Variants in SLC25A51 observed in about 807,000 individuals in gnomAD.
SLC25A51 encodes solute carrier family 25 member 51.
In SLC25A51, 11 loss-of-function variants were observed where a neutral mutation model predicts 19.1. The ratio of observed to expected loss-of-function variants is 0.58; its 90% CI spans 0.36 to 0.96. The LOEUF (loss-of-function observed/expected upper bound fraction) is 0.96. Ranked by LOEUF, SLC25A51 falls within the 40% of genes least tolerant of loss-of-function variation. SLC25A51 has a pLI of 0.01. For synonymous variants in SLC25A51, 105 were observed against 133.6 expected, an observed-to-expected ratio of 0.79 and a Z score of 1.47; for missense variants, 201 against 365.4, an observed-to-expected ratio of 0.55 and a Z score of 3.67.
At chr9:37,891,868 TTA>T (rs1361870108) in intron 2 of SLC25A51, among the ~76,000 whole-genome samples, 3 of 129,714 alleles carry the variant, frequency 2.3e-5, no homozygotes, top group South Asian at 2.3e-4. Context: ...AAAAAAAATT[TTA>T]TATATATATA....
chr9:37,896,214 T>C (rs1464106600), intron 2 of SLC25A51, among the ~76,000 whole-genome samples: 5 of 152,226 alleles, frequency 3.3e-5, no homozygotes, highest in African/African-American at 1.2e-4. Flanking sequence ...TTTGTTTCCA[T>C]CAGTTGCAGC....
intron 2 of SLC25A51, among the ~76,000 whole-genome samples, chr9:37,897,609 AAAATT>A (rs1385115515): frequency 6.6e-6 from 1 of 151,644 alleles, no homozygotes. Flanking sequence ...CTTCCTGAAC[AAAATT>A]AAATTATAAT....
rs1022132658 is a variant in SLC25A51 at position 37,903,866 on chromosome 9, C to T, written c.-165+202G>A. 2 of 152,416 alleles carry T rather than the reference C, an allele frequency of 1.3e-5. 1 individual carries two copies. The highest frequency in any genetic ancestry group is 1.3e-4 in the Admixed American group (2 of 15,302). 9.4% of individuals were successfully genotyped at this position (152,416 alleles called of 1,614,324 possible). On this transcript the variant is annotated intron_variant, in intron 1 of 2. Transcript: ENST00000242275. Reference sequence around the variant, plus strand: ...CCGCGGCAGGCGGGGGAGCCCGGAGCCGAGGAGGCTCAGAACTGATTCCGC... The same window carrying T: ...CCGCGGCAGGCGGGGGAGCCCGGAGTCGAGGAGGCTCAGAACTGATTCCGC...
chr9:37,900,902 G>C (rs1270339306), intron 1 of SLC25A51, among the ~76,000 whole-genome samples: 1 of 151,958 alleles, frequency 6.6e-6, no homozygotes, highest in East Asian at 1.9e-4. Context: ...CTGTCACCTG[G>C]GCTGAATGCA....
downstream of SLC25A51, chr9:37,886,387 A>G (rs1252088354): frequency 5.6e-6 from 9 of 1,594,608 alleles, no homozygotes; most frequent in Non-Finnish European, 7.7e-6. Context: ...AGAAGGATAA[A>G]TAAGATCCTC....
In SLC25A51 at chr9:37,887,780, G is replaced by T; in HGVS notation, c.771C>A (p.Ile257=). The change falls in exon 3 of 3, where the codon ATC becomes ATA. Residue 257 remains isoleucine (I), a synonymous_variant. Transcript: ENST00000242275. ...TCAGTTTTCTGTCCCGTTCCAGCCA[G>T]ATTTTTTGGAAAACCTTGGGGAAAG... is the stretch of plus-strand genomic sequence containing the variant. ...FQSFPKVFQK[I]WLERDRKLIN... 2 of 1,613,858 alleles carry T rather than the reference G, an allele frequency of 1.2e-6. No homozygotes were observed. The highest frequency in any genetic ancestry group is 1.7e-4 in the Middle Eastern group (1 of 6,018).
chr9:37,899,779 A>G (rs1831803415), intron 2 of SLC25A51, 50 bp downstream of exon 2: 1 of 135,600 alleles, frequency 7.4e-6, no homozygotes, highest in Non-Finnish European at 1.6e-5. Context: ...CTGTAGAACA[A>G]TTTAAATCTT....
At chr9:37,898,146 T>G (rs983029593) in intron 2 of SLC25A51, among the ~76,000 whole-genome samples, 2 of 152,204 alleles carry the variant, frequency 1.3e-5, no homozygotes, top group Non-Finnish European at 2.9e-5. Context: ...AGCAGTAGTT[T>G]ACACCTGTAA....
downstream of SLC25A51, chr9:37,886,014 C>T: frequency 6.2e-7 from 1 of 1,613,734 alleles, no homozygotes; most frequent in Non-Finnish European, 8.5e-7. Flanking sequence ...GACTGCCAAT[C>T]ATTTGCCCCT....
chr9:37,885,988 T>C, downstream of SLC25A51: 1 of 1,613,856 alleles, frequency 6.2e-7, no homozygotes, highest in South Asian at 1.1e-5. Flanking sequence ...TGGAGTTCTT[T>C]GCCAATTGGT....
chr9:37,880,972 A>C (rs1222324707), intron 3 of SLC25A51, among the ~76,000 whole-genome samples: 2 of 152,146 alleles, frequency 1.3e-5, no homozygotes, highest in African/African-American at 2.4e-5. Context: ...TAAATGTACA[A>C]GTTCAGGATA....
At chr9:37,901,366 C>T (rs1427052188) in intron 1 of SLC25A51, among the ~76,000 whole-genome samples, 1 of 152,066 alleles carries the variant, frequency 6.6e-6, no homozygotes, top group East Asian at 1.9e-4. Flanking sequence ...CGGGGTTTCA[C>T]TATGTTAGCC....
At chr9:37,885,342 TAAAAAAA>T (rs60095173), downstream of SLC25A51, among the ~76,000 whole-genome samples, 6 of 99,244 alleles carry the variant, frequency 6.0e-5, no homozygotes, top group South Asian at 3.4e-4. Flanking sequence ...TAGGTAATGA[TAAAAAAA>T]AAAAAAAAAA....
chr9:37,886,486 T>C, downstream of SLC25A51: 1 of 1,361,874 alleles, frequency 7.3e-7, no homozygotes, highest in Non-Finnish European at 9.8e-7. Context: ...TGTTTTCCCT[T>C]TGGCTGTGAC....
chr9:37,901,561 C>T (rs1469890561), intron 1 of SLC25A51, among the ~76,000 whole-genome samples: 1 of 152,138 alleles, frequency 6.6e-6, no homozygotes, highest in Admixed American at 6.5e-5. Flanking sequence ...TTGAGCAAAA[C>T]TCTTATTACT....
In SLC25A51 at chr9:37,888,407, T is replaced by C. The variant is rs754268179; in HGVS notation, c.144A>G (p.Thr48=). 1.2e-6 allele frequency: 2 copies of C among 1,614,242 alleles called. No individual in the cohort carries two copies. The highest frequency in any genetic ancestry group is 4.5e-5 in the East Asian group (2 of 44,890). The change falls in exon 3 of 3, where the codon ACA becomes ACG. Residue 48 remains threonine (T), a synonymous_variant. Transcript: ENST00000242275. The part of the protein sequence containing the change: ...CCAAFNNVAI[T]FPIQKVLFRQ... Reference sequence around the variant, plus strand: ...GAAAGAGGACCTTCTGAATGGGAAATGTGATTGCGACATTGTTGAAGGCTG... The same window carrying C: ...GAAAGAGGACCTTCTGAATGGGAAACGTGATTGCGACATTGTTGAAGGCTG...
At chr9:37,903,844 C>T (rs1831911579) in intron 1 of SLC25A51, 1 of 152,304 alleles carries the variant, frequency 6.6e-6, no homozygotes, top group Admixed American at 6.5e-5. Flanking sequence ...CAAACACCCG[C>T]GGCAGGCGGG....
chr9:37,890,660 C>A (rs1373146395), intron 2 of SLC25A51, among the ~76,000 whole-genome samples: 2 of 151,628 alleles, frequency 1.3e-5, no homozygotes, highest in East Asian at 3.9e-4. Flanking sequence ...CATGTCACTG[C>A]GTTCCAGCCT....
chr9:37,892,348 C>G (rs538458105), intron 2 of SLC25A51, among the ~76,000 whole-genome samples: 1 of 152,310 alleles, frequency 6.6e-6, no homozygotes, highest in East Asian at 1.9e-4. Context: ...GCCAATGGAG[C>G]AGCAGAGGCT....
Sources: allele counts gnomAD v4.1 joint callset (sites outside exome capture counted in the v4.1 genomes callset), GRCh38; gene constraint gnomAD v4.1.1; transcripts MANE v1.5; gene names NCBI Gene and HGNC (gene_info 2026-07-23, HGNC 2026-07-21).